DCAF6: variants seen among roughly 807,000 people sequenced by gnomAD.
DCAF6 encodes DDB1 and CUL4 associated factor 6, also known as DDB1- and CUL4-associated factor 6.
In DCAF6, 54 loss-of-function variants were observed where a neutral mutation model predicts 125.1. The observed-to-expected ratio is 0.43, with a 90% CI of 0.35 to 0.54. The LOEUF (loss-of-function observed/expected upper bound fraction) is 0.54, where lower values mean the gene tolerates loss of function less well. Among genes scored for constraint, DCAF6 ranks in the 20% least tolerant of loss-of-function variants. The pLI, the probability that DCAF6 is intolerant of heterozygous loss-of-function variation, is 0.01. For synonymous variants in DCAF6, 371 were observed against 390.4 expected, an observed-to-expected ratio of 0.95 and a Z score of 0.58; for missense variants, 934 against 1,161.7, an observed-to-expected ratio of 0.80 and a Z score of 2.85.
At chr1:167,895,397 C>T in the DCAF6 span, among the ~76,000 whole-genome samples, 1 of 152,110 alleles carries the variant, frequency 6.6e-6, no homozygotes, top group African/African-American at 2.4e-5. Flanking sequence ...CACTCCCCAC[C>T]CCACTGCCTA....
the DCAF6 span, among the ~76,000 whole-genome samples, chr1:167,887,612 T>C: frequency 2.8e-3 from 424 of 152,108 alleles, 3 homozygotes; most frequent in Non-Finnish European, 4.5e-3. Flanking sequence ...AGTTAATGGG[T>C]GCAGCATACC....
At chr1:167,896,795 G>C in the DCAF6 span, 26 of 795,506 alleles carry the variant, frequency 3.3e-5, no homozygotes, top group Non-Finnish European at 4.4e-6. Context: ...ACTGAACAGT[G>C]ATTGGCACAC....
chr1:167,903,656 C>A, the DCAF6 span, among the ~76,000 whole-genome samples: 1 of 152,072 alleles, frequency 6.6e-6, no homozygotes, highest in Non-Finnish European at 1.5e-5. Context: ...ATAATTCAGC[C>A]CTCTAACACA....
intron 1 of DCAF6, among the ~76,000 whole-genome samples, chr1:167,951,406 C>G (rs938521558): frequency 6.6e-6 from 1 of 152,090 alleles, no homozygotes. Context: ...GAAATCCTGT[C>G]TCTACTAAAA....
At chr1:167,900,831 C>T in the DCAF6 span, among the ~76,000 whole-genome samples, 3 of 152,136 alleles carry the variant, frequency 2.0e-5, no homozygotes, top group African/African-American at 2.4e-5. Context: ...TGCACCTGGC[C>T]TTATTTGGAA....
At chr1:167,903,783 G>A in the DCAF6 span, 84 of 804,728 alleles carry the variant, frequency 1.0e-4, no homozygotes, top group Non-Finnish European at 1.8e-4. Context: ...ATGGGGAAGA[G>A]GAGGAGTGCT....
rs199573600 is a variant in DCAF6 at position 168,009,345 on chromosome 1, C to CCCTTCCTTCCTT, written c.1378+4585_1378+4596dup. 2.9e-3 allele frequency among the ~76,000 whole-genome samples: 366 copies of CCCTTCCTTCCTT among 127,924 alleles called. 6 individuals are homozygous for CCCTTCCTTCCTT. The highest frequency in any genetic ancestry group is 0.01 in the African/African-American group (336 of 32,414). The allele number at this position is 127,924 out of a possible 152,430, so 83.9% of individuals were successfully genotyped here. On this transcript the variant is annotated intron_variant, in intron 10 of 21. Transcript: ENST00000367840. ...TTCTCTTCTTCTTTCCTTCCTTCCT[C>CCCTTCCTTCCTT]CCTTCCTTCCTTCCTTCCTTCCTTC...
At position 168,015,967 on chromosome 1, in the gene DCAF6, T is replaced by G. The variant is rs753024228; in HGVS notation, c.1549+16T>G. Reference sequence around the variant, plus strand: ...CATGCTTCAGGTTATTAATGTCAAGTGTCCTTAAGCAGCTGATAGAATTGT... The same window carrying G: ...CATGCTTCAGGTTATTAATGTCAAGGGTCCTTAAGCAGCTGATAGAATTGT... On this transcript the variant is annotated intron_variant, in intron 11 of 21. Transcript: ENST00000367840. The G allele has an allele frequency of 6.8e-7, 1 of 1,465,886 alleles. No individual in the cohort carries two copies. Among genetic ancestry groups the G allele is most frequent in the Non-Finnish European group, 9.1e-7 (1 of 1,102,322 alleles). 90.8% of individuals were successfully genotyped at this position (1,465,886 alleles called of 1,614,324 possible). A position where few individuals can be genotyped will look rare whatever the true frequency, so the allele number is the denominator to read the frequency against.
the DCAF6 span, among the ~76,000 whole-genome samples, chr1:167,891,972 TTTTC>T: frequency 6.7e-6 from 1 of 148,874 alleles, no homozygotes; most frequent in African/African-American, 2.6e-5. Context: ...AATTTTTTTC[TTTTC>T]TTTTTTTTTT....
Position 168,015,899 on chromosome 1 carries a change from C to T in DCAF6, c.1497C>T (p.Ser499=). 1 of 1,541,534 alleles carries T rather than the reference C, an allele frequency of 6.5e-7. No homozygotes were observed. The highest frequency in any genetic ancestry group is 1.7e-4 in the Middle Eastern group (1 of 5,964). Residue 499 remains serine, a synonymous_variant, in exon 11 of 22, where the codon TCC becomes TCT. Coordinates refer to ENST00000367840, the MANE Select transcript of DCAF6 (RefSeq NM_001198956.2). ...CTGCACATACCCAGCAACAGCCTTC[C>T]ACTTCTGATCAGTCTTCTCATGAGG... ...ELAAHTQQQP[S]TSDQSSHEGS... is the part of the protein sequence containing the mutation.
At chr1:167,883,068 C>T in the DCAF6 span, among the ~76,000 whole-genome samples, 24 of 152,240 alleles carry the variant, frequency 1.6e-4, no homozygotes, top group Non-Finnish European at 1.5e-5. Context: ...GACGGAGTCT[C>T]ACGCTATAGC....
chr1:167,938,471 G>T (rs1007024473), intron 1 of DCAF6, among the ~76,000 whole-genome samples: 2 of 152,158 alleles, frequency 1.3e-5, no homozygotes, highest in Non-Finnish European at 2.9e-5. Context: ...CGCCCTTACA[G>T]CATTTTAATG....
chr1:167,980,385 G>C (rs1678916767), intron 4 of DCAF6, among the ~76,000 whole-genome samples: 1 of 148,770 alleles, frequency 6.7e-6, no homozygotes, highest in African/African-American at 2.6e-5. Context: ...TTAAGTTTTT[G>C]AGGACCCTCC....
intron 2 of DCAF6, among the ~76,000 whole-genome samples, chr1:167,958,442 A>G (rs1675100797): frequency 6.6e-6 from 1 of 151,808 alleles, no homozygotes; most frequent in Admixed American, 6.6e-5. Flanking sequence ...TCAAAAAATC[A>G]CTTGACCATA....
intron 17 of DCAF6, among the ~76,000 whole-genome samples, chr1:168,054,432 A>C (rs559329893): frequency 1.3e-5 from 2 of 152,312 alleles, no homozygotes; most frequent in African/African-American, 4.8e-5. Context: ...TTCATTCTTG[A>C]GAGTGGAGCC....
chr1:168,017,487 G>C (rs770904428), intron 11 of DCAF6, among the ~76,000 whole-genome samples: 1 of 151,996 alleles, frequency 6.6e-6, no homozygotes, highest in African/African-American at 2.4e-5. Context: ...ACTAGTTCAC[G>C]GATTTGAATT....
the DCAF6 span, chr1:167,896,443 G>A: frequency 5.3e-5 from 39 of 732,786 alleles, no homozygotes; most frequent in Middle Eastern, 8.4e-4. Flanking sequence ...TTGCTGTCCC[G>A]GAGAATGGGA....
At chr1:167,896,494 G>A in the DCAF6 span, 1 of 943,094 alleles carries the variant, frequency 1.1e-6, no homozygotes, top group East Asian at 2.4e-5. Flanking sequence ...CAGGAGCTGT[G>A]TTGAGGAGCC....
the DCAF6 span, among the ~76,000 whole-genome samples, chr1:167,879,940 A>T: frequency 6.6e-6 from 1 of 152,206 alleles, no homozygotes; most frequent in African/African-American, 2.4e-5. Flanking sequence ...ATAGCCCCAG[A>T]AATGCACACT....
Sources: allele counts gnomAD v4.1 joint callset (sites outside exome capture counted in the v4.1 genomes callset), GRCh38; gene constraint gnomAD v4.1.1; transcripts MANE v1.5; gene names NCBI Gene and HGNC (gene_info 2026-07-23, HGNC 2026-07-21).